Variants in OPCML observed in about 807,000 individuals in gnomAD.
The protein encoded by OPCML is opioid-binding protein/cell adhesion molecule.
OPCML carries 13 observed loss-of-function variants against 37.8 expected under a neutral mutation model. That is an observed-to-expected ratio of 0.34 (90% CI 0.22 to 0.55). The LOEUF is 0.55. Ranked by LOEUF, OPCML falls within the 20% of genes least tolerant of loss-of-function variation. The probability of loss-of-function intolerance (pLI) is 0.91; values close to 1 mark genes in which losing one functional copy is unlikely to be tolerated. For missense variants in OPCML, 341 were observed against 435.6 expected (o/e 0.78, Z 1.93); for synonymous variants, 176 against 168.8 (o/e 1.04, Z -0.33).
chr11:132,436,145 T>C lies in OPCML; in HGVS notation c.857A>G (p.Asn286Ser). 6.2e-7 allele frequency: 1 copy of C among 1,614,220 alleles called. No individual in the cohort carries two copies. The highest frequency in any genetic ancestry group is 8.5e-7 in the Non-Finnish European group (1 of 1,180,028). Residue 286 changes from asparagine to serine, a missense_variant, in exon 7 of 8, where the codon AAC becomes AGC. By Grantham distance (46) the Asn-to-Ser change is conservative. Transcript: ENST00000524381. ...FFNVSEKDYG[N>S]YTCVATNKLG... ...CTTGTTCGTGGCCACACAAGTATAG[T>C]TCCCATAATCCTTTTCTGAAACATT...
In OPCML at chr11:133,170,228, G is replaced by A. The variant is rs139802236; in HGVS notation, c.62-227218C>T. Among the ~76,000 whole-genome samples the A allele has an allele frequency of 4.1e-4, 63 of 152,350 alleles. No individual in the cohort carries two copies. In the East Asian group the frequency reaches 0.011, roughly 26 times the overall value. ...ACGGTGGCTCACGCCTGTAATCCCA[G>A]CACTTTGTGAGGCCGAGGCGGGCAG... On this transcript the variant is annotated intron_variant, in intron 1 of 7. Transcript: ENST00000524381.
intron 1 of OPCML, among the ~76,000 whole-genome samples, chr11:133,013,846 G>A (rs1352129741): frequency 6.6e-6 from 1 of 152,136 alleles, no homozygotes; most frequent in Non-Finnish European, 1.5e-5. Flanking sequence ...TGTTAGGCTG[G>A]GTAAGAGACC....
At position 133,290,219 on chromosome 11, in the gene OPCML, C is replaced by A. The variant is rs189457323; in HGVS notation, c.61+242045G>T. ...CTTTTGCCCTGGCATTCAGGTGTAT[C>A]TGGGCACCCGTGGAGACCCAGAGGG... On this transcript the variant is annotated intron_variant, in intron 1 of 7. Transcript: ENST00000524381. Among the ~76,000 whole-genome samples, 193 of 152,000 alleles carry A rather than the reference C, an allele frequency of 1.3e-3. 2 individuals carry two copies. The Middle Eastern group carries it at 0.017, about 13-fold the overall frequency.
intron 1 of OPCML, among the ~76,000 whole-genome samples, chr11:133,373,424 A>AATATATATATAT (rs57417327): frequency 0.013 from 1,480 of 117,624 alleles, 21 homozygotes; most frequent in Middle Eastern, 0.033. Context: ...ACTTAATTAA[A>AATATATATATAT]ATATATATAT....
At chr11:132,556,319 T>C (rs1366182575) in intron 3 of OPCML, among the ~76,000 whole-genome samples, 2 of 152,138 alleles carry the variant, frequency 1.3e-5, no homozygotes, top group Non-Finnish European at 2.9e-5. Context: ...TTATAAGAAA[T>C]AGGGGTCTAT....
At chr11:133,054,691 TA>T (rs1948190381) in intron 1 of OPCML, among the ~76,000 whole-genome samples, 1 of 152,228 alleles carries the variant, frequency 6.6e-6, no homozygotes. Flanking sequence ...TCTCTCCTCA[TA>T]AAGCCTTAGA....
At chr11:132,539,534 A>G (rs79346100) in intron 3 of OPCML, among the ~76,000 whole-genome samples, 191 of 152,000 alleles carry the variant, frequency 1.3e-3, no homozygotes, top group Non-Finnish European at 2.1e-3. Context: ...GCTGCTGCTG[A>G]TGATGATGAT....
chr11:132,914,633 C>T (rs920946561), intron 2 of OPCML, among the ~76,000 whole-genome samples: 3 of 152,194 alleles, frequency 2.0e-5, no homozygotes, highest in African/African-American at 7.2e-5. Context: ...TGACCTCAGT[C>T]ACACTGCCCC....
intron 2 of OPCML, among the ~76,000 whole-genome samples, chr11:132,935,992 A>G (rs1457938413): frequency 6.6e-6 from 1 of 152,208 alleles, no homozygotes; most frequent in Non-Finnish European, 1.5e-5. Context: ...ATGAGCATCC[A>G]TGATCCCCCT....
intron 2 of OPCML, among the ~76,000 whole-genome samples, chr11:132,909,473 C>A (rs1472913799): frequency 6.6e-6 from 1 of 152,200 alleles, no homozygotes; most frequent in South Asian, 2.1e-4. Context: ...AAGATGGCAG[C>A]CCACCCCAAC....
chr11:132,670,403 G>A (rs1010318572), intron 2 of OPCML, among the ~76,000 whole-genome samples: 2 of 152,048 alleles, frequency 1.3e-5, no homozygotes, highest in Non-Finnish European at 2.9e-5. Context: ...AGACCACAAA[G>A]GCCATTCTTC....
chr11:133,163,425 C>T (rs923595069), intron 1 of OPCML, among the ~76,000 whole-genome samples: 2 of 152,194 alleles, frequency 1.3e-5, no homozygotes, highest in Admixed American at 6.5e-5. Context: ...AAATTGTTCT[C>T]TCACCCATCC....
intron 1 of OPCML, among the ~76,000 whole-genome samples, chr11:133,443,331 C>G (rs1370988459): frequency 6.6e-6 from 1 of 152,194 alleles, no homozygotes. Flanking sequence ...CATGCCAAGT[C>G]ATTTCACTGA....
intron 1 of OPCML, among the ~76,000 whole-genome samples, chr11:133,258,743 G>A (rs1242745286): frequency 1.3e-5 from 2 of 152,162 alleles, no homozygotes; most frequent in Non-Finnish European, 2.9e-5. Context: ...TCACACCCAT[G>A]GTTCTGGAGA....
chr11:132,498,722 C>G (rs1321492830), intron 4 of OPCML, among the ~76,000 whole-genome samples: 1 of 142,234 alleles, frequency 7.0e-6, no homozygotes, highest in Non-Finnish European at 1.5e-5. Flanking sequence ...ATCCGAAGAA[C>G]CCAAGTCCTG....
intron 1 of OPCML, among the ~76,000 whole-genome samples, chr11:133,426,453 C>T (rs534151310): frequency 3.4e-4 from 52 of 152,280 alleles, no homozygotes; most frequent in Non-Finnish European, 6.0e-4. Context: ...TGTTCTATCT[C>T]CCTGTCCTAG....
chr11:133,274,100 C>T (rs2136488727), intron 1 of OPCML, among the ~76,000 whole-genome samples: 1 of 152,226 alleles, frequency 6.6e-6, no homozygotes, highest in South Asian at 2.1e-4. Context: ...CCTGTTTGTT[C>T]AAATGCTGTC....
At chr11:133,071,349 G>A (rs1326777162) in intron 1 of OPCML, among the ~76,000 whole-genome samples, 2 of 152,176 alleles carry the variant, frequency 1.3e-5, no homozygotes, top group African/African-American at 2.4e-5. Context: ...TGGTGGGGGT[G>A]ATTGTGTAAA....
At chr11:133,329,086 G>T (rs912350174) in intron 1 of OPCML, among the ~76,000 whole-genome samples, 2 of 152,140 alleles carry the variant, frequency 1.3e-5, no homozygotes, top group Non-Finnish European at 2.9e-5. Flanking sequence ...ATTCACAATT[G>T]CTTCAAAGAG....
Sources: gnomAD v4.1 joint callset for allele counts (sites outside exome capture counted in the v4.1 genomes callset) on GRCh38, gnomAD v4.1.1 for gene constraint, MANE v1.5 for transcripts, NCBI Gene and HGNC (gene_info 2026-07-23, HGNC 2026-07-21) for gene names.